The following FNIP2 variants were observed in gnomAD, a reference collection of about 807,000 sequenced individuals.
FNIP2 encodes the protein folliculin-interacting protein 2.
In FNIP2, 32 loss-of-function variants were observed where a neutral mutation model predicts 108.7. That is an observed-to-expected ratio of 0.29 (90% CI 0.22 to 0.40). The LOEUF is 0.40. FNIP2 is among the 10% of genes least tolerant of loss of function. The pLI, the probability that FNIP2 is intolerant of heterozygous loss-of-function variation, is 1.00. For synonymous variants in FNIP2, 480 were observed against 496.7 expected (o/e 0.97, Z 0.45); for missense variants, 1,202 against 1,381.6 (o/e 0.87, Z 2.06).
At chr4:158,827,752 A>T (rs1190483083) in intron 2 of FNIP2, among the ~76,000 whole-genome samples, 1 of 152,318 alleles carries the variant, frequency 6.6e-6, no homozygotes, top group South Asian at 2.1e-4. Flanking sequence ...TTTGAATGCC[A>T]TCATTGCTGG....
chr4:158,849,930 A>T (rs1001960558), intron 7 of FNIP2, among the ~76,000 whole-genome samples: 3 of 152,240 alleles, frequency 2.0e-5, no homozygotes, highest in African/African-American at 7.2e-5. Context: ...TGTGAATATC[A>T]GCTAGATAAA....
chr4:158,900,927 T>C (rs1006752751), intron 16 of FNIP2, among the ~76,000 whole-genome samples: 1 of 152,174 alleles, frequency 6.6e-6, no homozygotes, highest in Non-Finnish European at 1.5e-5. Flanking sequence ...TTCTTCATAG[T>C]GTTGATGGTC....
At chr4:158,788,905 T>C (rs1262549658) in intron 1 of FNIP2, among the ~76,000 whole-genome samples, 1 of 152,244 alleles carries the variant, frequency 6.6e-6, no homozygotes, top group African/African-American at 2.4e-5. Flanking sequence ...CCTTCCATGC[T>C]TCATCTTTAG....
intron 12 of FNIP2, among the ~76,000 whole-genome samples, chr4:158,864,863 C>G (rs1375435084): frequency 6.6e-6 from 1 of 152,074 alleles, no homozygotes; most frequent in Non-Finnish European, 1.5e-5. Flanking sequence ...TTGCACCTCT[C>G]TAACATCCCA....
intron 1 of FNIP2, among the ~76,000 whole-genome samples, chr4:158,771,347 C>T (rs894425444): frequency 2.6e-5 from 4 of 152,246 alleles, no homozygotes; most frequent in African/African-American, 9.6e-5. Flanking sequence ...CCAAGCAAGT[C>T]TTTCCTTTTG....
chr4:158,890,268 C>A (rs1782213277), intron 14 of FNIP2: 2 of 984,234 alleles, frequency 2.0e-6, no homozygotes, highest in African/African-American at 1.8e-5. Flanking sequence ...TCTTTTTAAA[C>A]CCTTATATTT....
chr4:158,839,427 A>G (rs1414689180), intron 7 of FNIP2, among the ~76,000 whole-genome samples: 1 of 152,016 alleles, frequency 6.6e-6, no homozygotes, highest in African/African-American at 2.4e-5. Context: ...GTGTGATCAT[A>G]GCTCACTGCA....
At position 158,813,222 on chromosome 4, in the gene FNIP2, C is replaced by G. The variant is rs147779797; in HGVS notation, c.108-12694C>G. On this transcript the variant is annotated intron_variant, in intron 1 of 16. Coordinates refer to ENST00000264433, the MANE Select transcript of FNIP2 (RefSeq NM_020840.3). ...TCATTTGGATAAATAACAACAAGTC[C>G]CTTTGCTGGATTGTAAGGTAAGAGT... 2.0e-4 allele frequency among the ~76,000 whole-genome samples: 31 copies of G among 152,176 alleles called. No homozygotes were observed. In the East Asian group the frequency reaches 3.9e-3, roughly 19 times the overall value.
chr4:158,828,725 TCTC>T (rs1006762843), intron 2 of FNIP2, among the ~76,000 whole-genome samples: 21 of 152,328 alleles, frequency 1.4e-4, no homozygotes, highest in African/African-American at 5.1e-4. Flanking sequence ...GCCTCATCTT[TCTC>T]CTCATCAATG....
chr4:158,897,209 T>C (rs1782774253), intron 16 of FNIP2, among the ~76,000 whole-genome samples: 1 of 152,246 alleles, frequency 6.6e-6, no homozygotes, highest in African/African-American at 2.4e-5. Context: ...CCATGGTGTA[T>C]ATGTGCCACA....
In FNIP2 at chr4:158,769,272, G is replaced by C. The variant is rs1393566895; in HGVS notation, c.60G>C (p.Ala20=). 6.5e-7 allele frequency: 1 copy of C among 1,543,476 alleles called. No homozygotes were observed. Among genetic ancestry groups the C allele is most frequent in the South Asian group, 1.2e-5 (1 of 83,704 alleles). Residue 20 remains alanine (A), a synonymous_variant, in exon 1 of 17, where the codon GCG becomes GCC. Transcript: ENST00000264433. ...AAAGGGGCAGCAGCGGCAGCTCCGC[G>C]GCGGCGTCTGCCCAGGGCAGGGCTC... ...FNKRGSSGSS[A]AASAQGRAPK...
intron 14 of FNIP2, chr4:158,872,780 T>G: frequency 1.0e-6 from 1 of 973,056 alleles, no homozygotes; most frequent in Non-Finnish European, 1.2e-6. Context: ...CAACATCCAT[T>G]TACAAACATT....
chr4:158,806,762 C>T lies in FNIP2; in HGVS notation c.108-19154C>T, dbSNP rs891373571. On this transcript the variant is annotated intron_variant, in intron 1 of 16. Transcript: ENST00000264433. ...AGTAATTATCAGGAAAAAAAGGTGC[C>T]GTCCTGAAGTAGCAGCACAGTTAGT... 5.9e-5 allele frequency among the ~76,000 whole-genome samples: 9 copies of T among 152,132 alleles called. No individual in the cohort carries two copies. The South Asian group carries it at 1.4e-3, about 24-fold the overall frequency.
At chr4:158,793,612 C>T (rs1449711108) in intron 1 of FNIP2, among the ~76,000 whole-genome samples, 2 of 152,164 alleles carry the variant, frequency 1.3e-5, no homozygotes, top group Non-Finnish European at 2.9e-5. Flanking sequence ...GTTCCCTTAT[C>T]ATGTGATTTT....
At chr4:158,838,611 C>T (rs549943738) in intron 7 of FNIP2, among the ~76,000 whole-genome samples, 1 of 152,246 alleles carries the variant, frequency 6.6e-6, no homozygotes, top group Admixed American at 6.5e-5. Context: ...TTTAGACTTA[C>T]AGAAAAATTG....
Position 158,884,011 on chromosome 4 carries a change from C to T in FNIP2, c.2950-7435C>T, listed in dbSNP as rs141872851. On this transcript the variant is annotated intron_variant, in intron 14 of 16. Coordinates refer to ENST00000264433, the MANE Select transcript of FNIP2 (RefSeq NM_020840.3). The stretch of plus-strand genomic sequence containing the variant: ...TCTGTAGAGCAGTACTGTGTTCCTG[C>T]CCCCCTTCAGGAGAAATGGCATGAT... 2.4e-3 allele frequency among the ~76,000 whole-genome samples: 360 copies of T among 149,478 alleles called. 1 individual carries two copies. Among genetic ancestry groups the T allele is most frequent in the African/African-American group, 8.2e-3 (331 of 40,332 alleles).
At chr4:158,778,456 A>G (rs1353374628) in intron 1 of FNIP2, among the ~76,000 whole-genome samples, 2 of 152,238 alleles carry the variant, frequency 1.3e-5, no homozygotes, top group Non-Finnish European at 2.9e-5. Context: ...CATTCTGAGT[A>G]GCACAATGGA....
Position 158,769,216 on chromosome 4 carries a change from G to T in FNIP2, c.4G>T (p.Ala2Ser). Reference protein sequence around the residue: MAPTLLQKLFNK... With the variant: MSPTLLQKLFNK... ...CCGGAGCTGCGGCGGCGGCATCATG[G>T]CCCCGACCCTGCTCCAGAAGCTCTT... is the stretch of plus-strand genomic sequence containing the variant. Residue 2 changes from alanine to serine, a missense_variant, in exon 1 of 17, where the codon GCC becomes TCC. Physicochemically the swap from Ala to Ser is moderately conservative, Grantham distance 99. Transcript: ENST00000264433. 3 of 1,462,438 alleles carry T rather than the reference G, an allele frequency of 2.1e-6. No homozygotes were observed. The highest frequency in any genetic ancestry group is 2.7e-6 in the Non-Finnish European group (3 of 1,105,646). 90.6% of individuals were successfully genotyped at this position (1,462,438 alleles called of 1,614,324 possible). A position where few individuals can be genotyped will look rare whatever the true frequency, so the allele number is the denominator to read the frequency against.
chr4:158,830,011 AG>A (rs1250464499), intron 3 of FNIP2, among the ~76,000 whole-genome samples: 1 of 152,158 alleles, frequency 6.6e-6, no homozygotes, highest in East Asian at 1.9e-4. Context: ...AGGGTCTCAC[AG>A]CAGTCTGCAG....
Sources: allele counts gnomAD v4.1 joint callset (sites outside exome capture counted in the v4.1 genomes callset), GRCh38; gene constraint gnomAD v4.1.1; transcripts MANE v1.5; gene names NCBI Gene and HGNC (gene_info 2026-07-23, HGNC 2026-07-21).